Variants in GRAMD1B observed in about 807,000 individuals in gnomAD.
The protein encoded by GRAMD1B is GRAM domain containing 1B.
GRAMD1B carries 37 observed loss-of-function variants against 99.7 expected under a neutral mutation model. The ratio of observed to expected loss-of-function variants is 0.37; its 90% CI spans 0.29 to 0.49. The LOEUF (loss-of-function observed/expected upper bound fraction) is 0.49. Ranked by LOEUF, GRAMD1B falls within the 20% of genes least tolerant of loss-of-function variation. GRAMD1B has a pLI of 0.98. For missense variants in GRAMD1B, 888 were observed against 1,009.2 expected (o/e 0.88, Z 1.63); for synonymous variants, 427 against 387.6 (o/e 1.10, Z -1.19).
At position 123,377,607 on chromosome 11, in the gene GRAMD1B, C is replaced by G. The variant is rs560309837; in HGVS notation, c.-176+18808C>G. 1.1e-4 allele frequency among the ~76,000 whole-genome samples: 17 copies of G among 152,266 alleles called. No individual in the cohort carries two copies. The South Asian group carries it at 3.5e-3, about 32-fold the overall frequency. ...CTGGAAGGGAAAGGGTGGCTATTGT[C>G]CTGCTCTGTTTATCTGTTGCTTGCT... On this transcript the variant is annotated intron_variant, in intron 1 of 20. Coordinates refer to the GRAMD1B transcript ENST00000638157.
At chr11:123,455,321 G>T (rs1446612623) in intron 1 of GRAMD1B, among the ~76,000 whole-genome samples, 1 of 151,878 alleles carries the variant, frequency 6.6e-6, no homozygotes, top group Non-Finnish European at 1.5e-5. Context: ...TTACTATGTT[G>T]TCCTAGCAAC....
At chr11:123,600,629 CCCCACTGATAGTATTCT>C in intron 8 of GRAMD1B, 81 bp downstream of exon 8, 1 of 813,738 alleles carries the variant, frequency 1.2e-6, no homozygotes. Flanking sequence ...TCTGGGAATC[CCCCACTGATAGTATTCT>C]CCCACTGATG....
chr11:123,475,750 T>G (rs1035191347), intron 1 of GRAMD1B, among the ~76,000 whole-genome samples: 1 of 152,210 alleles, frequency 6.6e-6, no homozygotes, highest in Non-Finnish European at 1.5e-5. Context: ...TTCAACCTCC[T>G]GAATCCCAGA....
At chr11:123,478,147 C>G (rs1383436353) in intron 1 of GRAMD1B, among the ~76,000 whole-genome samples, 1 of 152,062 alleles carries the variant, frequency 6.6e-6, no homozygotes, top group Non-Finnish European at 1.5e-5. Context: ...TTCCGAGTAG[C>G]TGGGACTCCA....
intron 2 of GRAMD1B, among the ~76,000 whole-genome samples, chr11:123,504,335 C>G (rs1448266299): frequency 6.6e-6 from 1 of 152,212 alleles, no homozygotes; most frequent in Admixed American, 6.5e-5. Context: ...AGTCCTTTCT[C>G]TCTTCTCCTG....
intron 1 of GRAMD1B, among the ~76,000 whole-genome samples, chr11:123,390,234 A>C (rs1947227636): frequency 6.6e-6 from 1 of 152,158 alleles, no homozygotes; most frequent in African/African-American, 2.4e-5. Flanking sequence ...TTATACAAAA[A>C]CACTACCCAA....
chr11:123,556,684 C>T (rs960438672), intron 2 of GRAMD1B, among the ~76,000 whole-genome samples: 2 of 152,198 alleles, frequency 1.3e-5, no homozygotes, highest in African/African-American at 2.4e-5. Context: ...ACCTCAATTT[C>T]CTAAATTCAT....
At chr11:123,471,491 A>C (rs903822513) in intron 1 of GRAMD1B, among the ~76,000 whole-genome samples, 1 of 152,212 alleles carries the variant, frequency 6.6e-6, no homozygotes, top group Non-Finnish European at 1.5e-5. Flanking sequence ...ACTTCCCCAG[A>C]AAAAGAAGTG....
intron 2 of GRAMD1B, among the ~76,000 whole-genome samples, chr11:123,567,618 C>T (rs1408964303): frequency 6.6e-6 from 1 of 152,152 alleles, no homozygotes; most frequent in Non-Finnish European, 1.5e-5. Context: ...ATTGCAGGGC[C>T]TTGTCTCCAT....
intron 2 of GRAMD1B, among the ~76,000 whole-genome samples, chr11:123,486,554 GAA>G (rs770942713): frequency 2.9e-5 from 3 of 102,320 alleles, no homozygotes; most frequent in Non-Finnish European, 4.4e-5. Flanking sequence ...TCTCAAAAAA[GAA>G]AAAAAAAAAA....
intron 1 of GRAMD1B, among the ~76,000 whole-genome samples, chr11:123,380,505 C>T (rs1433065474): frequency 6.6e-6 from 1 of 152,190 alleles, no homozygotes; most frequent in Non-Finnish European, 1.5e-5. Context: ...TCTCCAGAGA[C>T]TTTATTATGA....
At chr11:123,618,396 T>C in intron 17 of GRAMD1B, 1 of 1,595,358 alleles carries the variant, frequency 6.3e-7, no homozygotes, top group South Asian at 1.1e-5. Context: ...CCTCATCTCT[T>C]TTCCTCCCCA....
intron 2 of GRAMD1B, among the ~76,000 whole-genome samples, chr11:123,557,294 AG>A (rs1202939223): frequency 2.6e-5 from 4 of 152,234 alleles, no homozygotes; most frequent in Admixed American, 6.5e-5. Context: ...CTGTAACAGT[AG>A]ACACAGTCCA....
intron 2 of GRAMD1B, among the ~76,000 whole-genome samples, chr11:123,501,241 G>T (rs1939822206): frequency 6.6e-6 from 1 of 152,072 alleles, no homozygotes; most frequent in African/African-American, 2.4e-5. Context: ...CACGATCTCG[G>T]CTCACTGCAA....
intron 2 of GRAMD1B, among the ~76,000 whole-genome samples, chr11:123,487,278 G>T (rs1461202511): frequency 6.6e-6 from 1 of 152,142 alleles, no homozygotes; most frequent in African/African-American, 2.4e-5. Flanking sequence ...GGCAGGGGTG[G>T]GAGGGTTTCC....
chr11:123,464,516 C>T (rs1286205078), intron 1 of GRAMD1B, among the ~76,000 whole-genome samples: 3 of 152,106 alleles, frequency 2.0e-5, no homozygotes, highest in Admixed American at 6.5e-5. Context: ...AGTTGTTAAA[C>T]ATTTGTCAGC....
intron 5 of GRAMD1B, 92 bp from the exon 6 acceptor site, chr11:123,594,643 G>C (rs759447292): frequency 4.1e-6 from 3 of 735,054 alleles, no homozygotes; most frequent in Non-Finnish European, 7.5e-6. Flanking sequence ...GGCTCCCCCA[G>C]TGCTGGTGGG....
At chr11:123,500,207 G>C (rs969107081) in intron 2 of GRAMD1B, among the ~76,000 whole-genome samples, 3 of 152,302 alleles carry the variant, frequency 2.0e-5, no homozygotes, top group Non-Finnish European at 2.9e-5. Context: ...TGTAGTCCCA[G>C]CTACTTGGGA....
chr11:123,425,879 G>T (rs1404577048), upstream of GRAMD1B, among the ~76,000 whole-genome samples: 1 of 152,190 alleles, frequency 6.6e-6, no homozygotes, highest in Non-Finnish European at 1.5e-5. Context: ...GAAATGAAGG[G>T]AGGACTCGTG....
Sources: gnomAD v4.1 joint callset for allele counts (sites outside exome capture counted in the v4.1 genomes callset) on GRCh38, gnomAD v4.1.1 for gene constraint, MANE v1.5 for transcripts, NCBI Gene and HGNC (gene_info 2026-07-23, HGNC 2026-07-21) for gene names.